MOV10L1: variants seen among roughly 807,000 people sequenced by gnomAD.
MOV10L1 encodes Mov10 like RNA helicase 1.
Under a neutral mutation model 143.8 loss-of-function variants are expected in MOV10L1, and 110 were observed. That is an observed-to-expected ratio of 0.76 (90% CI 0.66 to 0.90). The LOEUF is 0.90. MOV10L1 is among the 40% of genes least tolerant of loss of function. MOV10L1 has a pLI of 0.00. For missense variants in MOV10L1, 1,406 were observed against 1,526.8 expected, an observed-to-expected ratio of 0.92 and a Z score of 1.32; for synonymous variants, 593 against 581.1, an observed-to-expected ratio of 1.02 and a Z score of -0.29.
intron 10 of MOV10L1, among the ~76,000 whole-genome samples, chr22:50,122,794 TTTA>T (rs2062387023): frequency 9.7e-6 from 1 of 102,934 alleles, no homozygotes; most frequent in African/African-American, 2.9e-5. Context: ...TATTTATTTA[TTTA>T]TTTTTGAGAC....
At chr22:50,099,356 A>C in intron 2 of MOV10L1, 87 bp from the exon 3 acceptor site, 4 of 1,481,164 alleles carry the variant, frequency 2.7e-6, no homozygotes, top group Non-Finnish European at 3.7e-6. Flanking sequence ...TTGCAGCCCT[A>C]ATGGTCTCAG....
intron 18 of MOV10L1, 68 bp downstream of exon 18, chr22:50,144,311 G>A (rs959821512): frequency 1.7e-5 from 26 of 1,522,894 alleles, no homozygotes; most frequent in Non-Finnish European, 2.1e-5. Context: ...ATGCCAAGTG[G>A]ACAGGGGAGG....
intron 19 of MOV10L1, among the ~76,000 whole-genome samples, chr22:50,149,191 G>A (rs908809448): frequency 6.6e-5 from 10 of 152,356 alleles, no homozygotes; most frequent in Middle Eastern, 3.4e-3. Flanking sequence ...GCCACCTCCC[G>A]AGAGACACGT....
chr22:50,149,589 T>C (rs372007277), intron 19 of MOV10L1, 26 bp from the exon 20 acceptor site: 14 of 1,610,618 alleles, frequency 8.7e-6, no homozygotes. Context: ...CGGCAGAAAT[T>C]ACCATTTAGA....
At chr22:50,104,174 G>A (rs2061813488) in intron 3 of MOV10L1, among the ~76,000 whole-genome samples, 1 of 152,234 alleles carries the variant, frequency 6.6e-6, no homozygotes, top group South Asian at 2.1e-4. Flanking sequence ...GATCTGATAG[G>A]AGGTGGCGCT....
At chr22:50,157,939 C>A in intron 22 of MOV10L1, 118 bp from the exon 23 acceptor site, 1 of 1,235,516 alleles carries the variant, frequency 8.1e-7, no homozygotes, top group Non-Finnish European at 1.1e-6. Flanking sequence ...TGCACGAGAG[C>A]AGGGATTTAT....
intron 12 of MOV10L1, among the ~76,000 whole-genome samples, chr22:50,127,782 T>G (rs1275719162): frequency 1.3e-5 from 2 of 151,932 alleles, no homozygotes; most frequent in African/African-American, 4.8e-5. Context: ...TTTTTTTGTT[T>G]TTTTTTTTGA....
rs372779807 is a variant in MOV10L1, at chr22:50,102,574, A to C, written c.442+2972A>C. Among the ~76,000 whole-genome samples the C allele has an allele frequency of 2.6e-4, 40 of 152,280 alleles. 1 individual carries two copies. The East Asian group carries it at 3.7e-3, about 14-fold the overall frequency. ...ACTGCTTCAGAGAATTCGCATTTTG[A>C]GAGAACAGACAGTAAGCAAGTGAAC... On this transcript the variant is annotated intron_variant, in intron 3 of 26. Coordinates refer to ENST00000262794, the MANE Select transcript of MOV10L1 (RefSeq NM_018995.3).
At position 50,145,831 on chromosome 22, in the gene MOV10L1, G is replaced by A. The variant is rs570901745; in HGVS notation, c.2627+21G>A. On this transcript the variant is annotated intron_variant, in intron 19 of 26. Transcript: ENST00000262794. ...GTGAGGTGAGCCCCGGGCATGGAGCGCGGCATGGGGCCTCCCAGGGCAGAG... is the reference window on the plus strand; with the variant it reads ...GTGAGGTGAGCCCCGGGCATGGAGCACGGCATGGGGCCTCCCAGGGCAGAG... 4.2e-5 allele frequency: 67 copies of A among 1,612,552 alleles called. 1 individual carries two copies. Among genetic ancestry groups the A allele is most frequent in the East Asian group, 2.0e-4 (9 of 44,858 alleles).
intron 2 of MOV10L1, chr22:50,095,845 C>G (rs1036672563): frequency 6.6e-6 from 1 of 151,764 alleles, no homozygotes; most frequent in Non-Finnish European, 1.5e-5. Context: ...CACAATCTTG[C>G]TTTTATAAAT....
chr22:50,126,279 G>C lies in MOV10L1; in HGVS notation c.1818+7G>C, dbSNP rs976800342. 1.2e-6 allele frequency: 2 copies of C among 1,605,106 alleles called. No individual in the cohort carries two copies. The highest frequency in any genetic ancestry group is 1.7e-6 in the Non-Finnish European group (2 of 1,171,870). On this transcript the variant is annotated splice_region_variant and intron_variant, in intron 12 of 26. Coordinates refer to ENST00000262794, the MANE Select transcript of MOV10L1 (RefSeq NM_018995.3). ...CATCAGCTACGTGACTGAGGTGAGA[G>C]CACTCTCTCTTAATGAGTTTGTGTT... is the stretch of plus-strand genomic sequence containing the variant.
intron 26 of MOV10L1, 117 bp downstream of exon 26, chr22:50,161,172 C>A (rs2063551268): frequency 8.5e-7 from 1 of 1,174,076 alleles, no homozygotes. Context: ...TAGCCCTCTG[C>A]CGGCCACCGT....
intron 14 of MOV10L1, 33 bp downstream of exon 14, chr22:50,134,098 T>C: frequency 6.5e-7 from 1 of 1,542,972 alleles, no homozygotes; most frequent in Non-Finnish European, 8.8e-7. Context: ...GTGTTACATC[T>C]TCACAGAGTA....
chr22:50,133,254 A>G (rs1179102725), intron 13 of MOV10L1, among the ~76,000 whole-genome samples: 1 of 151,728 alleles, frequency 6.6e-6, no homozygotes, highest in Admixed American at 6.6e-5. Flanking sequence ...GTGGCCCTCT[A>G]TCAGGTTGAG....
chr22:50,107,099 G>T (rs1371449381), intron 3 of MOV10L1, among the ~76,000 whole-genome samples: 3 of 150,812 alleles, frequency 2.0e-5, no homozygotes, highest in Non-Finnish European at 4.4e-5. Flanking sequence ...TTTTGAGACG[G>T]TGTCTCGCTG....
At chr22:50,137,622 T>C (rs894396204) in intron 15 of MOV10L1, among the ~76,000 whole-genome samples, 1 of 151,606 alleles carries the variant, frequency 6.6e-6, no homozygotes, top group Non-Finnish European at 1.5e-5. Flanking sequence ...GGAGAATCGC[T>C]TGAAACCAGG....
At chr22:50,102,482 G>T (rs184588799) in intron 3 of MOV10L1, among the ~76,000 whole-genome samples, 136 of 152,350 alleles carry the variant, frequency 8.9e-4, no homozygotes, top group Admixed American at 2.2e-3. Context: ...TTGTGGGAGA[G>T]TCAGAAGATG....
chr22:50,090,225 C>T (rs1381366918), intron 1 of MOV10L1, 40 bp downstream of exon 1: 6 of 1,410,512 alleles, frequency 4.3e-6, no homozygotes, highest in Non-Finnish European at 4.6e-6. Context: ...GTCCCGGGCC[C>T]TCGCGTGTCG....
intron 15 of MOV10L1, among the ~76,000 whole-genome samples, chr22:50,135,750 CAAAA>C (rs1242001364): frequency 3.5e-5 from 2 of 56,514 alleles, no homozygotes; most frequent in Non-Finnish European, 3.6e-5. Context: ...GACTCCATCT[CAAAA>C]AAAAAAAAAA....
Sources: allele counts gnomAD v4.1 joint callset (sites outside exome capture counted in the v4.1 genomes callset), GRCh38; gene constraint gnomAD v4.1.1; transcripts MANE v1.5; gene names NCBI Gene and HGNC (gene_info 2026-07-23, HGNC 2026-07-21).